The following MAP4K4 variants were observed in gnomAD, a reference collection of about 807,000 sequenced individuals.
MAP4K4 encodes the protein mitogen-activated protein kinase kinase kinase kinase 4.
In MAP4K4, 38 loss-of-function variants were observed where a neutral mutation model predicts 189.6. The observed-to-expected ratio is 0.20, with a 90% CI of 0.15 to 0.26. The LOEUF (loss-of-function observed/expected upper bound fraction) is 0.26. Ranked by LOEUF, MAP4K4 falls within the 10% of genes least tolerant of loss-of-function variation. The pLI is 1.00. For missense variants in MAP4K4, 1,054 were observed against 1,726.9 expected (o/e 0.61, Z 6.91); for synonymous variants, 610 against 624.3 (o/e 0.98, Z 0.34).
chr2:101,833,024 G>T (rs1416456013), intron 7 of MAP4K4, among the ~76,000 whole-genome samples: 1 of 152,168 alleles, frequency 6.6e-6, no homozygotes, highest in African/African-American at 2.4e-5. Context: ...GGGACATGCA[G>T]AACTGTTCAT....
At chr2:101,802,846 C>T (rs1167054825) in intron 3 of MAP4K4, among the ~76,000 whole-genome samples, 4 of 151,962 alleles carry the variant, frequency 2.6e-5, no homozygotes, top group Non-Finnish European at 4.4e-5. Context: ...CGTGCAATGG[C>T]GTGATCTCTG....
At position 101,783,487 on chromosome 2, in the gene MAP4K4, C is replaced by G. The variant is rs79479922; in HGVS notation, c.124-7233C>G. Among the ~76,000 whole-genome samples, 263 of 152,192 alleles carry G rather than the reference C, an allele frequency of 1.7e-3. 1 individual carries two copies. The highest frequency in any genetic ancestry group is 5.9e-3 in the African/African-American group (245 of 41,524). On this transcript the variant is annotated intron_variant, in intron 2 of 32. Coordinates refer to ENST00000324219, the Ensembl canonical transcript of MAP4K4. Reference sequence around the variant, plus strand: ...CCAGACTTCAGAGTGTGTAAGAAATCACTAGAATGCTAGTTTAAAAAGGCA... The same window carrying G: ...CCAGACTTCAGAGTGTGTAAGAAATGACTAGAATGCTAGTTTAAAAAGGCA...
chr2:101,782,580 T>C (rs989970730), intron 2 of MAP4K4, among the ~76,000 whole-genome samples: 4 of 152,130 alleles, frequency 2.6e-5, no homozygotes, highest in Non-Finnish European at 4.4e-5. Flanking sequence ...CGTGCACATA[T>C]AGGAGCCCTC....
intron 2 of MAP4K4, among the ~76,000 whole-genome samples, chr2:101,700,628 T>G (rs2037896796): frequency 6.6e-6 from 1 of 152,330 alleles, no homozygotes; most frequent in East Asian, 1.9e-4. Context: ...CTTTTCCTCC[T>G]TTATTTTAAT....
intron 2 of MAP4K4, among the ~76,000 whole-genome samples, chr2:101,754,103 T>C (rs2070843816): frequency 6.6e-6 from 1 of 152,190 alleles, no homozygotes; most frequent in Non-Finnish European, 1.5e-5. Context: ...TGTTTTTCAG[T>C]GTTAGACACT....
chr2:101,713,557 C>G (rs140765335), intron 2 of MAP4K4, among the ~76,000 whole-genome samples: 8,800 of 147,276 alleles, frequency 0.06, 306 homozygotes, highest in African/African-American at 0.092. Flanking sequence ...GATCACGCCA[C>G]TGCACTCCAG....
Position 101,851,644 on chromosome 2 carries a change from A to G in MAP4K4, c.1234-4333A>G, listed in dbSNP as rs146318712. ...GAATGTAGTGGTTTTTATGGTTGGT[A>G]GTTTAAATTCTTGCTCTCGATCTAG... On this transcript the variant is annotated intron_variant, in intron 12 of 32. Transcript: ENST00000324219. Among the ~76,000 whole-genome samples, 789 of 145,206 alleles carry G rather than the reference A, an allele frequency of 5.4e-3. 6 individuals are homozygous for G. The highest frequency in any genetic ancestry group is 0.019 in the African/African-American group (760 of 40,434).
intron 3 of MAP4K4, among the ~76,000 whole-genome samples, chr2:101,795,540 C>A (rs984365708): frequency 6.6e-6 from 1 of 152,092 alleles, no homozygotes; most frequent in African/African-American, 2.4e-5. Flanking sequence ...TTTTGACGTG[C>A]CACTATTAGT....
At chr2:101,821,696 T>C (rs969982994) in intron 3 of MAP4K4, among the ~76,000 whole-genome samples, 2 of 152,220 alleles carry the variant, frequency 1.3e-5, no homozygotes, top group African/African-American at 4.8e-5. Flanking sequence ...CTGACATTAC[T>C]GGTATACTTC....
intron 26 of MAP4K4, among the ~76,000 whole-genome samples, chr2:101,874,500 G>A (rs2098140607): frequency 6.6e-6 from 1 of 152,124 alleles, no homozygotes; most frequent in African/African-American, 2.4e-5. Context: ...ACAAATTTTT[G>A]TAGTAGTTTT....
chr2:101,770,312 G>A (rs995228342), intron 2 of MAP4K4, among the ~76,000 whole-genome samples: 6 of 135,848 alleles, frequency 4.4e-5, no homozygotes, highest in Non-Finnish European at 6.1e-5. Flanking sequence ...GCAGGGGCAC[G>A]ATCTTGGCTC....
intron 3 of MAP4K4, among the ~76,000 whole-genome samples, chr2:101,819,863 T>C (rs2095936113): frequency 6.6e-6 from 1 of 152,202 alleles, no homozygotes; most frequent in South Asian, 2.1e-4. Context: ...TGCTTCATGG[T>C]TTCATGACAT....
At chr2:101,727,825 C>T (rs945084289) in intron 2 of MAP4K4, among the ~76,000 whole-genome samples, 14 of 152,228 alleles carry the variant, frequency 9.2e-5, no homozygotes, top group Middle Eastern at 3.4e-3. Flanking sequence ...AAAAATCAGC[C>T]GGGCATGGTG....
intron 16 of MAP4K4, 72 bp downstream of exon 16, chr2:101,861,058 A>G: frequency 1.4e-6 from 2 of 1,389,964 alleles, no homozygotes; most frequent in East Asian, 2.5e-5. Context: ...GCCTGCTGTA[A>G]TATCACAGTT....
At chr2:101,831,993 A>G (rs1432021977) in intron 7 of MAP4K4, 142 bp downstream of exon 7, 1 of 902,382 alleles carries the variant, frequency 1.1e-6, no homozygotes, top group African/African-American at 1.7e-5. Flanking sequence ...GCAGGTGCAA[A>G]TTTTCCAGGA....
At chr2:101,828,378 C>G (rs1236740706) in intron 5 of MAP4K4, among the ~76,000 whole-genome samples, 2 of 152,204 alleles carry the variant, frequency 1.3e-5, no homozygotes, top group African/African-American at 4.8e-5. Flanking sequence ...AGAGGAGGTG[C>G]TTTGTTCCTA....
intron 2 of MAP4K4, among the ~76,000 whole-genome samples, chr2:101,699,498 C>G (rs150713318): frequency 6.6e-6 from 1 of 152,276 alleles, no homozygotes; most frequent in Non-Finnish European, 1.5e-5. Context: ...AAAGTTTAAT[C>G]TGCACTGGGG....
chr2:101,732,468 C>T (rs1304131893), intron 2 of MAP4K4, among the ~76,000 whole-genome samples: 2 of 152,124 alleles, frequency 1.3e-5, no homozygotes, highest in Admixed American at 1.3e-4. Flanking sequence ...TTTCATTCCC[C>T]GCTCCCCTAG....
At chr2:101,881,866 A>C (rs2098401516) in intron 27 of MAP4K4, among the ~76,000 whole-genome samples, 1 of 152,046 alleles carries the variant, frequency 6.6e-6, no homozygotes, top group African/African-American at 2.4e-5. Flanking sequence ...TTGTAGCTGT[A>C]GTCTCTTTGT....
Sources: allele counts gnomAD v4.1 joint callset (sites outside exome capture counted in the v4.1 genomes callset), GRCh38; gene constraint gnomAD v4.1.1; transcripts MANE v1.5; gene names NCBI Gene and HGNC (gene_info 2026-07-23, HGNC 2026-07-21).